Variants in TRAF6 observed in about 807,000 individuals in gnomAD.
TRAF6 encodes TNF receptor-associated factor 6.
A neutral mutation model predicts 48.4 loss-of-function variants in TRAF6; 10 were observed. The observed-to-expected ratio is 0.21, with a 90% CI of 0.13 to 0.35. The LOEUF (loss-of-function observed/expected upper bound fraction) is 0.35, where lower values mean the gene tolerates loss of function less well. Among genes scored for constraint, TRAF6 ranks in the 10% least tolerant of loss-of-function variants. The probability of loss-of-function intolerance (pLI) is 1.00; values close to 1 mark genes in which losing one functional copy is unlikely to be tolerated. For synonymous variants in TRAF6, 186 were observed against 219.6 expected (o/e 0.85, Z 1.35); for missense variants, 397 against 661.0 (o/e 0.60, Z 4.38).
chr11:36,498,423 C>T, intron 3 of TRAF6, 67 bp downstream of exon 3: 3 of 1,454,032 alleles, frequency 2.1e-6, no homozygotes, highest in Non-Finnish European at 1.9e-6. Flanking sequence ...ATGGACACAG[C>T]AAAGTCCCTA....
At chr11:36,499,554 G>A (rs1359081202) in intron 2 of TRAF6, among the ~76,000 whole-genome samples, 2 of 152,078 alleles carry the variant, frequency 1.3e-5, no homozygotes, top group African/African-American at 2.4e-5. Context: ...AGCCGAGATC[G>A]CGCCACTGCA....
At chr11:36,497,315 C>G in intron 3 of TRAF6, 49 bp from the exon 4 acceptor site, 1 of 1,550,296 alleles carries the variant, frequency 6.5e-7, no homozygotes. Context: ...CTGAAGTCTT[C>G]TACATATAAG....
chr11:36,497,383 G>T, intron 3 of TRAF6, 117 bp from the exon 4 acceptor site: 1 of 936,904 alleles, frequency 1.1e-6, no homozygotes, highest in Non-Finnish European at 1.5e-6. Flanking sequence ...TTTGTCTAAT[G>T]CACACCACAG....
Position 36,489,732 on chromosome 11 carries a change from G to C in TRAF6, c.*106C>G. The C allele has an allele frequency of 8.5e-7, 1 of 1,179,240 alleles. No homozygotes were observed. The highest frequency in any genetic ancestry group is 1.2e-6 in the Non-Finnish European group (1 of 824,544). 73.0% of individuals were successfully genotyped at this position (1,179,240 alleles called of 1,614,324 possible). On this transcript the variant is annotated 3_prime_UTR_variant, in exon 7 of 7. Coordinates refer to ENST00000526995, the MANE Select transcript of TRAF6 (RefSeq NM_004620.4). Reference sequence around the variant, plus strand: ...ACCTCTCTAACAACACTCACTAGTAGATATTACATATTTCCCGTGGCTTGT... The same window carrying C: ...ACCTCTCTAACAACACTCACTAGTACATATTACATATTTCCCGTGGCTTGT...
At chr11:36,493,662 G>A (rs1859592494) in intron 5 of TRAF6, among the ~76,000 whole-genome samples, 1 of 152,196 alleles carries the variant, frequency 6.6e-6, no homozygotes, top group Non-Finnish European at 1.5e-5. Context: ...TTAAACCTAG[G>A]ACTAAAACCC....
At chr11:36,509,398 G>A (rs1859867128) in intron 1 of TRAF6, among the ~76,000 whole-genome samples, 1 of 151,886 alleles carries the variant, frequency 6.6e-6, no homozygotes, top group African/African-American at 2.4e-5. Flanking sequence ...TTAGGGGCGG[G>A]GGAGAAAACA....
chr11:36,485,629 A>T lies in TRAF6; in HGVS notation c.*4209T>A, dbSNP rs1859471977. Among the ~76,000 whole-genome samples, 1 of 152,022 alleles carries T rather than the reference A, an allele frequency of 6.6e-6. No homozygotes were observed. The highest frequency in any genetic ancestry group is 1.5e-5 in the Non-Finnish European group (1 of 68,018). On this transcript the variant is annotated 3_prime_UTR_variant, in exon 7 of 7. Coordinates refer to ENST00000526995, the MANE Select transcript of TRAF6 (RefSeq NM_004620.4). ...TCCTAAAATGCTTTTCCCACCTAGAATTATTTTTCAGGATTTTATGACCCG... is the reference window on the plus strand; with the variant it reads ...TCCTAAAATGCTTTTCCCACCTAGATTTATTTTTCAGGATTTTATGACCCG...
At chr11:36,492,504 A>G (rs1564965340) in intron 6 of TRAF6, 47 bp downstream of exon 6, 1 of 1,386,214 alleles carries the variant, frequency 7.2e-7, no homozygotes. Flanking sequence ...TGATGTAAAT[A>G]TTTTTTTTTA....
At position 36,486,067 on chromosome 11, in the gene TRAF6, T is replaced by C. The variant is rs1365627412; in HGVS notation, c.*3771A>G. Among the ~76,000 whole-genome samples the C allele has an allele frequency of 1.8e-5, 2 of 108,608 alleles. No homozygotes were observed. The highest frequency in any genetic ancestry group is 7.5e-5 in the African/African-American group (2 of 26,674). The allele number at this position is 108,608 out of a possible 152,430, so 71.3% of individuals were successfully genotyped here. On this transcript the variant is annotated 3_prime_UTR_variant, in exon 7 of 7. Transcript: ENST00000526995. ...TTTGTTTTGTTTTGTGAGACAGTGT[T>C]GCACTCTGTCACCCAGGCTGGGGGT...
chr11:36,498,879 T>C (rs1403686226), intron 2 of TRAF6, among the ~76,000 whole-genome samples: 8 of 152,216 alleles, frequency 5.3e-5, no homozygotes. Context: ...GGGATTTTTA[T>C]ATGGTGGGAT....
intron 1 of TRAF6, 24 bp from the exon 2 acceptor site, chr11:36,501,561 T>A: frequency 6.6e-7 from 1 of 1,524,670 alleles, no homozygotes; most frequent in Non-Finnish European, 8.8e-7. Flanking sequence ...AAGAAAAAAA[T>A]GCCTTTATAA....
At chr11:36,505,193 T>C (rs1327315249) in intron 1 of TRAF6, among the ~76,000 whole-genome samples, 1 of 152,228 alleles carries the variant, frequency 6.6e-6, no homozygotes, top group African/African-American at 2.4e-5. Context: ...AAGCCAGGAA[T>C]AGACTTGTCT....
chr11:36,504,617 T>C (rs1325411307), intron 1 of TRAF6, among the ~76,000 whole-genome samples: 1 of 152,218 alleles, frequency 6.6e-6, no homozygotes, highest in Non-Finnish European at 1.5e-5. Context: ...TTCAAACTCC[T>C]GTTAAGGCTG....
At chr11:36,503,294 A>AG (rs1859741552) in intron 1 of TRAF6, among the ~76,000 whole-genome samples, 2 of 149,062 alleles carry the variant, frequency 1.3e-5, no homozygotes, top group Admixed American at 6.7e-5. Flanking sequence ...GGTTTACTTA[A>AG]GTTTTTTTTT....
Position 36,483,930 on chromosome 11 carries a change from C to G in TRAF6, c.*5908G>C, listed in dbSNP as rs1445692168. On this transcript the variant is annotated 3_prime_UTR_variant, in exon 7 of 7. Coordinates refer to ENST00000526995, the MANE Select transcript of TRAF6 (RefSeq NM_004620.4). Reference sequence around the variant, plus strand: ...ATTCAAAAAGGTGCCATTCAAGGAACACTTTTGGTCATACCTTGCAACCAG... The same window carrying G: ...ATTCAAAAAGGTGCCATTCAAGGAAGACTTTTGGTCATACCTTGCAACCAG... Among the ~76,000 whole-genome samples, 1 of 152,158 alleles carries G rather than the reference C, an allele frequency of 6.6e-6. No homozygotes were observed. Among genetic ancestry groups the G allele is most frequent in the East Asian group, 1.9e-4 (1 of 5,194 alleles).
chr11:36,501,090 T>C, intron 2 of TRAF6, 130 bp downstream of exon 2: 1 of 902,240 alleles, frequency 1.1e-6, no homozygotes, highest in Non-Finnish European at 1.6e-6. Flanking sequence ...CAATTTTCTG[T>C]CCATTGTTCT....
rs5030441 is a variant in TRAF6, at chr11:36,502,999, A to G, written c.-22-1462T>C. Among the ~76,000 whole-genome samples the G allele has an allele frequency of 1.7e-3, 256 of 152,336 alleles. 1 individual carries two copies. Among genetic ancestry groups the G allele is most frequent in the African/African-American group, 6.0e-3 (248 of 41,584 alleles). On this transcript the variant is annotated intron_variant, in intron 1 of 6. Transcript: ENST00000526995. ...GTCACCACTTATCAAAGTGGTAACT[A>G]TGGAGCTTAAAAGGTTAAGTAACTT...
chr11:36,486,679 A>G lies in TRAF6; in HGVS notation c.*3159T>C, dbSNP rs531479487. Among the ~76,000 whole-genome samples, 6 of 152,322 alleles carry G rather than the reference A, an allele frequency of 3.9e-5. No individual in the cohort carries two copies. In the South Asian group the frequency reaches 1.0e-3, roughly 26 times the overall value. On this transcript the variant is annotated 3_prime_UTR_variant, in exon 7 of 7. Coordinates refer to ENST00000526995, the MANE Select transcript of TRAF6 (RefSeq NM_004620.4). Reference sequence around the variant, plus strand: ...AATAAAAGTTAAATCATATTGTAGTATACCAATAAACAGTCTTTGCTGCCA... The same window carrying G: ...AATAAAAGTTAAATCATATTGTAGTGTACCAATAAACAGTCTTTGCTGCCA...
At chr11:36,507,028 C>T (rs142205260) in intron 1 of TRAF6, among the ~76,000 whole-genome samples, 194 of 150,972 alleles carry the variant, frequency 1.3e-3, no homozygotes, top group African/African-American at 4.1e-3. Context: ...TTAATTATAA[C>T]GATAACTAAC....
Sources: gnomAD v4.1 joint callset for allele counts (sites outside exome capture counted in the v4.1 genomes callset) on GRCh38, gnomAD v4.1.1 for gene constraint, MANE v1.5 for transcripts, NCBI Gene and HGNC (gene_info 2026-07-23, HGNC 2026-07-21) for gene names.